The following NACC2 variants were observed in gnomAD, a reference collection of about 807,000 sequenced individuals.
NACC2 encodes the protein nucleus accumbens-associated protein 2.
In NACC2, 8 loss-of-function variants were observed where a neutral mutation model predicts 25.1. The observed-to-expected ratio is 0.32, with a 90% CI of 0.19 to 0.57. The LOEUF (loss-of-function observed/expected upper bound fraction) is 0.57. Among genes scored for constraint, NACC2 ranks in the 20% least tolerant of loss-of-function variants. The pLI is 0.89. For missense variants in NACC2, 644 were observed against 650.2 expected, an observed-to-expected ratio of 0.99 and a Z score of 0.10; for synonymous variants, 435 against 294.7, an observed-to-expected ratio of 1.48 and a Z score of -4.88.
intron 2 of NACC2, among the ~76,000 whole-genome samples, chr9:136,040,454 C>T (rs1206666476): frequency 2.6e-5 from 4 of 152,112 alleles, no homozygotes; most frequent in Non-Finnish European, 2.9e-5. Flanking sequence ...AATAGGAGAA[C>T]GGAGAAATAC....
intron 1 of NACC2, among the ~76,000 whole-genome samples, chr9:136,078,384 C>T (rs1830285323): frequency 6.6e-6 from 1 of 152,254 alleles, no homozygotes; most frequent in African/African-American, 2.4e-5. Flanking sequence ...CTGGCTCTCT[C>T]ATTTCAGGAA....
chr9:136,054,664 C>T (rs13285151), intron 1 of NACC2, among the ~76,000 whole-genome samples: 4,723 of 152,058 alleles, frequency 0.031, 114 homozygotes, highest in Non-Finnish European at 0.05. Flanking sequence ...ATCAGGGCAT[C>T]CCCACCCTCC....
chr9:136,010,944 A>ACACACACTCGTG lies in NACC2; in HGVS notation c.*571_*572insCACGAGTGTGTG. The stretch of plus-strand genomic sequence containing the variant: ...ACCACACCCCTGCACACACACGCAC[A>ACACACACTCGTG]CACACACACTCGTGCACACACCCCA... On this transcript the variant is annotated 3_prime_UTR_variant, in exon 6 of 6. Transcript: ENST00000277554. The surrounding 1 kb of genome is among the most constrained non-coding windows in gnomAD (Gnocchi z 4.9). 1 of 152,380 alleles carries ACACACACTCGTG rather than the reference A, an allele frequency of 6.6e-6. No homozygotes were observed. The highest frequency in any genetic ancestry group is 1.5e-5 in the Non-Finnish European group (1 of 68,140). The allele number at this position is 152,380 out of a possible 1,614,324, so 9.4% of individuals were successfully genotyped here.
Position 136,011,250 on chromosome 9 carries a change from G to A in NACC2, c.*266C>T. 1 of 289,548 alleles carries A rather than the reference G, an allele frequency of 3.5e-6. No homozygotes were observed. Among genetic ancestry groups the A allele is most frequent in the East Asian group, 6.1e-5 (1 of 16,496 alleles). 17.9% of individuals were successfully genotyped at this position (289,548 alleles called of 1,614,324 possible). ...ACCCTCCCCAAGAAGGGGGAGGGAAGCTACACTTGGAGGCTGACCTTGTGA... is the reference window on the plus strand; with the variant it reads ...ACCCTCCCCAAGAAGGGGGAGGGAAACTACACTTGGAGGCTGACCTTGTGA... On this transcript the variant is annotated 3_prime_UTR_variant, in exon 6 of 6. Transcript: ENST00000277554.
intron 2 of NACC2, among the ~76,000 whole-genome samples, chr9:136,045,438 C>G (rs1223758044): frequency 8.5e-6 from 1 of 118,070 alleles, no homozygotes; most frequent in Non-Finnish European, 1.9e-5. Context: ...GTGTCAATAC[C>G]CAGGCGTGGC....
In NACC2 at chr9:136,086,668, A is replaced by G. The variant is rs556403797; in HGVS notation, c.-60+8521T>C. 2.6e-5 allele frequency among the ~76,000 whole-genome samples: 4 copies of G among 152,314 alleles called. No homozygotes were observed. The highest frequency in any genetic ancestry group is 1.9e-4 in the East Asian group (1 of 5,182). ...ACACGAATCCTGTTCCCAAACTTAC[A>G]TAACCGCAGATGACAACGCCGACTC... On this transcript the variant is annotated intron_variant, in intron 1 of 5. Coordinates refer to ENST00000277554, the MANE Select transcript of NACC2 (RefSeq NM_144653.5). This position sits in a 1 kb window ranked among gnomAD's most constrained non-coding sequence, Gnocchi z 5.6.
chr9:136,033,894 G>GGTGTGT lies in NACC2; in HGVS notation c.886+15736_886+15741dup, dbSNP rs57460855. ...ATGCAATCCCAATCAAATTCCAGCA[G>GGTGTGT]GTGTGTGTGTGTGTGTGTGTGTGTG... On this transcript the variant is annotated intron_variant, in intron 2 of 5. Coordinates refer to ENST00000277554, the MANE Select transcript of NACC2 (RefSeq NM_144653.5). 3.3e-3 allele frequency among the ~76,000 whole-genome samples: 448 copies of GGTGTGT among 137,018 alleles called. 1 individual carries two copies. Among genetic ancestry groups the GGTGTGT allele is most frequent in the East Asian group, 9.0e-3 (42 of 4,668 alleles). The allele number at this position is 137,018 out of a possible 152,430, so 89.9% of individuals were successfully genotyped here. A position where few individuals can be genotyped will look rare whatever the true frequency, so the allele number is the denominator to read the frequency against.
At chr9:136,089,918 G>A (rs1830418080) in intron 1 of NACC2, among the ~76,000 whole-genome samples, 1 of 151,658 alleles carries the variant, frequency 6.6e-6, no homozygotes, top group African/African-American at 2.4e-5. Flanking sequence ...TGTGTGATAC[G>A]GATTTCATTA....
intron 1 of NACC2, among the ~76,000 whole-genome samples, chr9:136,066,718 A>G (rs1841086711): frequency 6.6e-6 from 1 of 152,218 alleles, no homozygotes; most frequent in Non-Finnish European, 1.5e-5. Context: ...AATAGCCAAG[A>G]AGTGGAAATA....
chr9:136,049,310 C>G (rs1314350971), intron 2 of NACC2, among the ~76,000 whole-genome samples: 1 of 152,226 alleles, frequency 6.6e-6, no homozygotes, highest in Non-Finnish European at 1.5e-5. Flanking sequence ...TCCTCCCGTA[C>G]ACCGCGTGGC....
At chr9:136,064,588 G>C (rs1229630522) in intron 1 of NACC2, among the ~76,000 whole-genome samples, 1 of 152,076 alleles carries the variant, frequency 6.6e-6, no homozygotes, top group Non-Finnish European at 1.5e-5. Flanking sequence ...TCATGGGATG[G>C]GAAGACCTAA....
chr9:136,068,196 T>C (rs56969554), intron 1 of NACC2, among the ~76,000 whole-genome samples: 31,817 of 151,986 alleles, frequency 0.21, 3,901 homozygotes, highest in East Asian at 0.4. Context: ...CATTTATCTT[T>C]TTTAAAAAAG....
intron 1 of NACC2, among the ~76,000 whole-genome samples, chr9:136,072,484 G>T (rs1830204200): frequency 2.0e-5 from 3 of 152,054 alleles, no homozygotes. Flanking sequence ...GGCAGAGATT[G>T]CAGTGAGCCA....
chr9:136,087,651 C>G (rs1424681460), intron 1 of NACC2, among the ~76,000 whole-genome samples: 1 of 152,226 alleles, frequency 6.6e-6, no homozygotes, highest in Non-Finnish European at 1.5e-5. Context: ...CCATTCGGAG[C>G]TCACAGCGGG....
chr9:136,027,194 C>T (rs1364115664), intron 2 of NACC2, among the ~76,000 whole-genome samples: 1 of 152,142 alleles, frequency 6.6e-6, no homozygotes, highest in East Asian at 1.9e-4. Context: ...CACTGCCCTC[C>T]AGCCTGGACG....
At chr9:136,075,672 GA>G (rs1830255670) in intron 1 of NACC2, among the ~76,000 whole-genome samples, 1 of 152,220 alleles carries the variant, frequency 6.6e-6, no homozygotes, top group Non-Finnish European at 1.5e-5. Context: ...ATGCTGTCCT[GA>G]GCTCCCTGTG....
At position 136,022,004 on chromosome 9, in the gene NACC2, G is replaced by A. The variant is rs1482261714; in HGVS notation, c.887-5575C>T. ...GAGGGAGCCATTGTGAATGAGGAAA[G>A]GTCGGGCTACACACCTGTCCCCACG... On this transcript the variant is annotated intron_variant, in intron 2 of 5. Transcript: ENST00000277554. This position sits in a 1 kb window ranked among gnomAD's most constrained non-coding sequence, Gnocchi z 4.4. Among the ~76,000 whole-genome samples, 1 of 152,184 alleles carries A rather than the reference G, an allele frequency of 6.6e-6. No homozygotes were observed. The highest frequency in any genetic ancestry group is 1.5e-5 in the Non-Finnish European group (1 of 68,030).
rs989454827 is a variant in NACC2, at chr9:136,020,704, T to C, written c.887-4275A>G. ...TGAATCAACTGATTTTAAGACTTCC[T>C]GTACAGCTACAGTCATGAAGCCTGC... On this transcript the variant is annotated intron_variant, in intron 2 of 5. Coordinates refer to ENST00000277554, the MANE Select transcript of NACC2 (RefSeq NM_144653.5). The surrounding 1 kb of genome is among the most constrained non-coding windows in gnomAD (Gnocchi z 4.7). Among the ~76,000 whole-genome samples, 3 of 152,208 alleles carry C rather than the reference T, an allele frequency of 2.0e-5. No individual in the cohort carries two copies. Among genetic ancestry groups the C allele is most frequent in the African/African-American group, 7.2e-5 (3 of 41,448 alleles).
At chr9:136,025,118 G>C (rs1840368619) in intron 2 of NACC2, among the ~76,000 whole-genome samples, 1 of 152,216 alleles carries the variant, frequency 6.6e-6, no homozygotes, top group African/African-American at 2.4e-5. Flanking sequence ...CCAAGAGGAG[G>C]GGTTCTGGGG....
Sources: gnomAD v4.1 joint callset for allele counts (sites outside exome capture counted in the v4.1 genomes callset) on GRCh38, gnomAD v4.1.1 for gene constraint, Gnocchi (gnomAD v3.1) non-coding constraint, MANE v1.5 for transcripts, NCBI Gene and HGNC (gene_info 2026-07-23, HGNC 2026-07-21) for gene names.